The following PTPRK variants were observed in gnomAD, a reference collection of about 807,000 sequenced individuals.
PTPRK encodes the protein protein tyrosine phosphatase receptor type K, also known as receptor-type tyrosine-protein phosphatase kappa.
Under a neutral mutation model 178.0 loss-of-function variants are expected in PTPRK, and 75 were observed. The observed-to-expected ratio is 0.42, with a 90% CI of 0.35 to 0.51. The LOEUF (loss-of-function observed/expected upper bound fraction) is 0.51, where lower values mean the gene tolerates loss of function less well. PTPRK is among the 20% of genes least tolerant of loss of function. The probability of loss-of-function intolerance (pLI) is 0.02; values close to 1 mark genes in which losing one functional copy is unlikely to be tolerated. For synonymous variants in PTPRK, 637 were observed against 620.6 expected (o/e 1.03, Z -0.39); for missense variants, 1,441 against 1,797.8 (o/e 0.80, Z 3.59).
intron 7 of PTPRK, among the ~76,000 whole-genome samples, chr6:128,155,113 A>G (rs887003181): frequency 2.6e-5 from 4 of 151,752 alleles, no homozygotes; most frequent in African/African-American, 9.7e-5. Flanking sequence ...AGAAAGTCCT[A>G]CATTCTAGAT....
intron 3 of PTPRK, among the ~76,000 whole-genome samples, chr6:128,271,132 C>A (rs1165842229): frequency 6.6e-6 from 1 of 152,072 alleles, no homozygotes; most frequent in Non-Finnish European, 1.5e-5. Context: ...GAGGCTGCAA[C>A]CGTTTGCCTT....
intron 1 of PTPRK, among the ~76,000 whole-genome samples, chr6:128,508,884 T>C (rs578085835): frequency 6.6e-6 from 1 of 151,078 alleles, no homozygotes; most frequent in Non-Finnish European, 1.5e-5. Flanking sequence ...GAGGCGGAGG[T>C]TGCGGTGAGC....
Position 128,437,230 on chromosome 6 carries a change from G to C in PTPRK, c.101-39542C>G, listed in dbSNP as rs1025201668. Among the ~76,000 whole-genome samples the C allele has an allele frequency of 1.4e-4, 22 of 152,154 alleles. 1 individual carries two copies. Among genetic ancestry groups the C allele is most frequent in the African/African-American group, 5.1e-4 (21 of 41,448 alleles). On this transcript the variant is annotated intron_variant, in intron 1 of 29. Transcript: ENST00000368226. ...TAAGAACAAAAACCATTCTTAGTTTGAGAATAGGTTTTGCTTTAAAGATAA... is the reference window on the plus strand; with the variant it reads ...TAAGAACAAAAACCATTCTTAGTTTCAGAATAGGTTTTGCTTTAAAGATAA...
chr6:128,178,443 T>C (rs1031092689), intron 7 of PTPRK, among the ~76,000 whole-genome samples: 4 of 151,544 alleles, frequency 2.6e-5, no homozygotes, highest in Non-Finnish European at 5.9e-5. Context: ...TAATATAATG[T>C]ATTATACCAT....
intron 13 of PTPRK, among the ~76,000 whole-genome samples, chr6:128,019,373 A>G (rs1296722494): frequency 2.0e-5 from 3 of 152,094 alleles, no homozygotes; most frequent in East Asian, 1.9e-4. Flanking sequence ...AGAGGTGTCA[A>G]CCTCAACTAC....
At chr6:127,999,667 T>G (rs1428727395) in intron 15 of PTPRK, among the ~76,000 whole-genome samples, 3 of 152,110 alleles carry the variant, frequency 2.0e-5, no homozygotes, top group Non-Finnish European at 1.5e-5. Flanking sequence ...TCCTTCTTTA[T>G]GTTCCCATGA....
intron 17 of PTPRK, among the ~76,000 whole-genome samples, chr6:127,995,964 T>C (rs879628974): frequency 3.3e-5 from 5 of 152,148 alleles, no homozygotes; most frequent in Non-Finnish European, 7.4e-5. Context: ...TCTTACTCCC[T>C]GAGAATCAAG....
At chr6:128,398,962 T>C (rs1840690625) in intron 1 of PTPRK, among the ~76,000 whole-genome samples, 1 of 152,206 alleles carries the variant, frequency 6.6e-6, no homozygotes, top group Admixed American at 6.5e-5. Context: ...CATATTTAGT[T>C]TATTCAAATC....
chr6:127,993,237 T>C (rs1376073306), intron 18 of PTPRK, among the ~76,000 whole-genome samples: 6 of 151,766 alleles, frequency 4.0e-5, no homozygotes, highest in Non-Finnish European at 8.9e-5. Context: ...CATTCAGGGA[T>C]ATGCAAAAAC....
chr6:128,486,365 G>A (rs1411821278), intron 1 of PTPRK, among the ~76,000 whole-genome samples: 1 of 152,062 alleles, frequency 6.6e-6, no homozygotes, highest in Non-Finnish European at 1.5e-5. Context: ...CATGGATAAA[G>A]TGGTAAACTA....
intron 7 of PTPRK, among the ~76,000 whole-genome samples, chr6:128,121,852 T>C (rs971106367): frequency 2.6e-5 from 4 of 152,098 alleles, no homozygotes; most frequent in African/African-American, 7.2e-5. Flanking sequence ...CTTAGCACTA[T>C]ACTCCAAAAA....
intron 25 of PTPRK, 46 bp downstream of exon 25, chr6:127,981,070 T>C: frequency 1.3e-6 from 2 of 1,537,528 alleles, no homozygotes; most frequent in African/African-American, 2.7e-5. Flanking sequence ...TTGCATTATG[T>C]AGCTTTCCAC....
chr6:128,028,837 G>C (rs944695229), intron 13 of PTPRK, among the ~76,000 whole-genome samples: 1 of 152,072 alleles, frequency 6.6e-6, no homozygotes, highest in Non-Finnish European at 1.5e-5. Context: ...ATGCTTTGAT[G>C]GTTTCTGATT....
intron 7 of PTPRK, among the ~76,000 whole-genome samples, chr6:128,112,202 A>G (rs927659164): frequency 6.6e-6 from 1 of 152,064 alleles, no homozygotes; most frequent in Non-Finnish European, 1.5e-5. Flanking sequence ...AGCATTCTTA[A>G]TGTGTATTTT....
At chr6:128,112,679 T>C (rs1010616987) in intron 7 of PTPRK, among the ~76,000 whole-genome samples, 5 of 152,234 alleles carry the variant, frequency 3.3e-5, no homozygotes, top group South Asian at 4.1e-4. Context: ...AGACAAATGC[T>C]TGTGTGTACT....
chr6:128,155,736 A>AT (rs1165243984), intron 7 of PTPRK, among the ~76,000 whole-genome samples: 2 of 151,722 alleles, frequency 1.3e-5, no homozygotes, highest in African/African-American at 4.8e-5. Context: ...AGTGGTAGTG[A>AT]TTTCAAGCTG....
In PTPRK at chr6:128,195,500, A is replaced by C. The variant is rs761160333; in HGVS notation, c.869-10775T>G. ...TAAAATGCAAAACTTTATTTACCCTAAGTTAATCAGGGGAATTATTATCTA... is the reference window on the plus strand; with the variant it reads ...TAAAATGCAAAACTTTATTTACCCTCAGTTAATCAGGGGAATTATTATCTA... On this transcript the variant is annotated intron_variant, in intron 6 of 29. Coordinates refer to ENST00000368226, the MANE Select transcript of PTPRK (RefSeq NM_002844.4). 6.6e-5 allele frequency among the ~76,000 whole-genome samples: 10 copies of C among 150,688 alleles called. 1 individual carries two copies. Among genetic ancestry groups the C allele is most frequent in the Non-Finnish European group, 8.8e-5 (6 of 67,986 alleles).
intron 13 of PTPRK, among the ~76,000 whole-genome samples, chr6:128,018,563 C>A (rs1191819430): frequency 6.6e-6 from 1 of 151,438 alleles, no homozygotes; most frequent in Non-Finnish European, 1.5e-5. Flanking sequence ...CACAAGTTGA[C>A]CTTAGGTAAG....
intron 15 of PTPRK, among the ~76,000 whole-genome samples, chr6:128,000,979 G>C (rs1359800644): frequency 6.6e-6 from 1 of 151,926 alleles, no homozygotes; most frequent in Non-Finnish European, 1.5e-5. Context: ...TTTGCATTAA[G>C]CTTTAATACA....
Sources: allele counts gnomAD v4.1 joint callset (sites outside exome capture counted in the v4.1 genomes callset), GRCh38; gene constraint gnomAD v4.1.1; transcripts MANE v1.5; gene names NCBI Gene and HGNC (gene_info 2026-07-23, HGNC 2026-07-21).